The following MYL12B variants were observed in gnomAD, a reference collection of about 807,000 sequenced individuals.
MYL12B encodes the protein myosin light chain 12B.
MYL12B carries 3 observed loss-of-function variants against 12.9 expected under a neutral mutation model. The ratio of observed to expected loss-of-function variants is 0.23; its 90% confidence interval spans 0.11 to 0.60. The LOEUF (loss-of-function observed/expected upper bound fraction) is 0.60, where lower values mean the gene tolerates loss of function less well. MYL12B is among the 20% of genes least tolerant of loss of function. The pLI is 0.89. For missense variants in MYL12B, 120 were observed against 215.4 expected, an observed-to-expected ratio of 0.56 and a Z score of 2.77; for synonymous variants, 57 against 71.9, an observed-to-expected ratio of 0.79 and a Z score of 1.05.
At position 3,262,159 on chromosome 18, in the gene MYL12B, G is replaced by C. The variant is rs548254357; in HGVS notation, c.-94G>C. ...GGCAGGAAGTGTCGGCGCCGCCACT[G>C]TCCGGCCACAGCCTAACGCTCTTCG... On this transcript the variant is annotated 5_prime_UTR_variant, in exon 1 of 4. Coordinates refer to ENST00000237500, the MANE Select transcript of MYL12B (RefSeq NM_033546.4). The C allele has an allele frequency of 6.6e-6, 1 of 152,348 alleles. No homozygotes were observed. Among genetic ancestry groups the C allele is most frequent in the East Asian group, 1.9e-4 (1 of 5,168 alleles). The allele number at this position is 152,348 out of a possible 1,614,324, so 9.4% of individuals were successfully genotyped here.
At chr18:3,263,701 A>G (rs928289664) in intron 1 of MYL12B, among the ~76,000 whole-genome samples, 2 of 152,234 alleles carry the variant, frequency 1.3e-5, no homozygotes, top group Non-Finnish European at 2.9e-5. Flanking sequence ...TGAGTTTATC[A>G]TACCCTTTTT....
At chr18:3,272,821 C>T in intron 1 of MYL12B, 63 bp from the exon 2 acceptor site, 1 of 1,378,404 alleles carries the variant, frequency 7.3e-7, no homozygotes, top group Non-Finnish European at 9.7e-7. Context: ...ATTATGTATT[C>T]TGTTTTTGCT....
chr18:3,271,444 T>TA (rs1318007981), intron 1 of MYL12B, among the ~76,000 whole-genome samples: 6 of 152,302 alleles, frequency 3.9e-5, no homozygotes, highest in South Asian at 2.1e-4. Context: ...TACATTTATA[T>TA]AAAAAATCCC....
In MYL12B at chr18:3,278,003, C is replaced by T; in HGVS notation, c.*66C>T. On this transcript the variant is annotated 3_prime_UTR_variant, in exon 4 of 4. Transcript: ENST00000237500. Reference sequence around the variant, plus strand: ...CTCTTTTACTTCTCAGACACTTCCCCCACCCTCATAGAACCTGTTGCATGC... The same window carrying T: ...CTCTTTTACTTCTCAGACACTTCCCTCACCCTCATAGAACCTGTTGCATGC... The T allele has an allele frequency of 6.4e-7, 1 of 1,557,580 alleles. No homozygotes were observed. The highest frequency in any genetic ancestry group is 8.7e-7 in the Non-Finnish European group (1 of 1,148,678).
intron 2 of MYL12B, among the ~76,000 whole-genome samples, chr18:3,275,387 T>C (rs1274274850): frequency 6.6e-6 from 1 of 152,158 alleles, no homozygotes; most frequent in South Asian, 2.1e-4. Context: ...AGATCTAGTA[T>C]TGGATAGAAT....
chr18:3,274,782 C>G (rs11663983), intron 2 of MYL12B, among the ~76,000 whole-genome samples: 13 of 152,126 alleles, frequency 8.5e-5, no homozygotes, highest in African/African-American at 3.1e-4. Context: ...TGTAGAAGTA[C>G]GGAGTCTTTC....
chr18:3,271,787 G>A (rs1411229488), intron 1 of MYL12B, among the ~76,000 whole-genome samples: 1 of 151,912 alleles, frequency 6.6e-6, no homozygotes, highest in African/African-American at 2.4e-5. Flanking sequence ...ATTTAAAACT[G>A]CAAATTAAAA....
chr18:3,270,395 G>T (rs2081667833), intron 1 of MYL12B, among the ~76,000 whole-genome samples: 1 of 152,166 alleles, frequency 6.6e-6, no homozygotes, highest in South Asian at 2.1e-4. Flanking sequence ...ATTGGGACCA[G>T]TTAGTGAATT....
At chr18:3,271,531 C>T (rs61009554) in intron 1 of MYL12B, among the ~76,000 whole-genome samples, 1,567 of 152,294 alleles carry the variant, frequency 0.01, 25 homozygotes, top group African/African-American at 0.036. Flanking sequence ...TTGTTTTTCA[C>T]ATTGCAGGAA....
At chr18:3,277,227 A>T in intron 2 of MYL12B, 26 bp from the exon 3 acceptor site, 1 of 1,524,842 alleles carries the variant, frequency 6.6e-7, no homozygotes, top group Non-Finnish European at 8.9e-7. Context: ...TTTTGTCTTT[A>T]AATGTTAAAA....
chr18:3,272,796 C>T (rs1293912781), intron 1 of MYL12B, 88 bp from the exon 2 acceptor site: 11 of 1,167,692 alleles, frequency 9.4e-6, no homozygotes, highest in South Asian at 4.7e-5. Context: ...ATATTTTTAC[C>T]TACAGACTTT....
chr18:3,270,333 T>A (rs116517073), intron 1 of MYL12B, among the ~76,000 whole-genome samples: 2,298 of 152,304 alleles, frequency 0.015, 52 homozygotes, highest in African/African-American at 0.053. Flanking sequence ...ATGAAAAAAA[T>A]TTAAAATATA....
chr18:3,263,887 C>T (rs1388733862), intron 1 of MYL12B, among the ~76,000 whole-genome samples: 1 of 152,350 alleles, frequency 6.6e-6, no homozygotes, highest in East Asian at 1.9e-4. Context: ...CAGATCCTGA[C>T]TGAGCTCTGC....
Position 3,277,835 on chromosome 18 carries a change from G to T in MYL12B, c.417G>T (p.Val139=), listed in dbSNP as rs930395636. ...TMGDRFTDEE[V]DELYREAPID... The stretch of plus-strand genomic sequence containing the variant: ...GGGATCGGTTTACAGATGAGGAAGT[G>T]GATGAGCTGTACAGAGAAGCACCTA... Residue 139 remains valine, a synonymous_variant, in exon 4 of 4, where the codon GTG becomes GTT. Transcript: ENST00000237500. 6.2e-7 allele frequency: 1 copy of T among 1,614,018 alleles called. No individual in the cohort carries two copies. Among genetic ancestry groups the T allele is most frequent in the Non-Finnish European group, 8.5e-7 (1 of 1,179,970 alleles).
At chr18:3,273,468 GA>G (rs1487485482) in intron 2 of MYL12B, among the ~76,000 whole-genome samples, 1 of 152,150 alleles carries the variant, frequency 6.6e-6, no homozygotes, top group Non-Finnish European at 1.5e-5. Context: ...TTATCTCTGG[GA>G]AGGAGGGGCA....
rs529533579 is a variant in MYL12B, at chr18:3,270,460, C to T, written c.-15-2424C>T. On this transcript the variant is annotated intron_variant, in intron 1 of 3. Coordinates refer to ENST00000237500, the MANE Select transcript of MYL12B (RefSeq NM_033546.4). ...TCTGTTTCCTTCTCTTGGGTGTCACCATCAGATGGTGATGGCTCTTCTAGT... is the reference window on the plus strand; with the variant it reads ...TCTGTTTCCTTCTCTTGGGTGTCACTATCAGATGGTGATGGCTCTTCTAGT... 3.3e-5 allele frequency among the ~76,000 whole-genome samples: 5 copies of T among 152,206 alleles called. No individual in the cohort carries two copies. In the East Asian group the frequency reaches 9.7e-4, roughly 29 times the overall value.
At chr18:3,273,107 A>G (rs1354811020) in intron 2 of MYL12B, 25 bp downstream of exon 2, 10 of 1,528,494 alleles carry the variant, frequency 6.5e-6, no homozygotes, top group South Asian at 6.4e-5. Flanking sequence ...CTTTATTTGT[A>G]TTTTCCCTAA....
At chr18:3,270,970 C>T (rs1208363680) in intron 1 of MYL12B, among the ~76,000 whole-genome samples, 2 of 152,152 alleles carry the variant, frequency 1.3e-5, no homozygotes, top group African/African-American at 4.8e-5. Context: ...CCGCACCCGG[C>T]CTGATTCGTT....
intron 1 of MYL12B, 60 bp downstream of exon 1, chr18:3,262,297 G>GT (rs1555635325): frequency 6.6e-6 from 1 of 151,852 alleles, no homozygotes; most frequent in Non-Finnish European, 1.5e-5. Context: ...GTACCCCCGC[G>GT]CCCCCTCCCG....
Sources: gnomAD v4.1 joint callset for allele counts (sites outside exome capture counted in the v4.1 genomes callset) on GRCh38, gnomAD v4.1.1 for gene constraint, MANE v1.5 for transcripts, NCBI Gene and HGNC (gene_info 2026-07-23, HGNC 2026-07-21) for gene names.